UBXN2A: variants seen among roughly 807,000 people sequenced by gnomAD.
The protein encoded by UBXN2A is UBX domain-containing protein 2A.
In UBXN2A, 28 loss-of-function variants were observed where a neutral mutation model predicts 28.4. That is an observed-to-expected ratio of 0.99 (90% CI 0.73 to 1.35). The LOEUF (loss-of-function observed/expected upper bound fraction) is 1.35, where lower values mean the gene tolerates loss of function less well. Ranked by LOEUF, UBXN2A falls within the 40% of genes most tolerant of loss-of-function variation. The probability of loss-of-function intolerance (pLI) is 0.00; values close to 1 mark genes in which losing one functional copy is unlikely to be tolerated. For synonymous variants in UBXN2A, 97 were observed against 103.6 expected, an observed-to-expected ratio of 0.94 and a Z score of 0.39; for missense variants, 253 against 297.9, an observed-to-expected ratio of 0.85 and a Z score of 1.11.
intron 1 of UBXN2A, chr2:23,943,807 A>T: frequency 3.5e-6 from 1 of 288,736 alleles, no homozygotes; most frequent in Non-Finnish European, 6.9e-6. Context: ...GATTATATTT[A>T]AAATGAGCTT....
At chr2:23,999,567 T>C in intron 6 of UBXN2A, 105 bp from the exon 7 acceptor site, 1 of 1,253,106 alleles carries the variant, frequency 8.0e-7, no homozygotes, top group Non-Finnish European at 1.1e-6. Flanking sequence ...CAAGACGCTA[T>C]CTCTAATAAT....
chr2:23,999,776 C>T lies in UBXN2A; in HGVS notation c.689C>T (p.Thr230Ile), dbSNP rs1421626867. 1 of 1,614,156 alleles carries T rather than the reference C, an allele frequency of 6.2e-7. No homozygotes were observed. The highest frequency in any genetic ancestry group is 8.5e-7 in the Non-Finnish European group (1 of 1,180,030). ...CCTGTCCTCAGGTTGCTAGATGAGA[C>T]ACTCACACTGGAAGAAGCAGATTTA... ...ALPVLRLLDE[T>I]LTLEEADLQN... The change falls in exon 7 of 7, where the codon ACA (threonine) becomes ATA (isoleucine). Residue 230 changes from threonine to isoleucine, a missense_variant. Transcript: ENST00000309033.
chr2:23,950,028 A>G (rs904655978), intron 1 of UBXN2A, among the ~76,000 whole-genome samples: 1 of 5,640 alleles, frequency 1.8e-4, no homozygotes, highest in Non-Finnish European at 3.5e-4. Context: ...CCCCCACCCC[A>G]AGGATCGCTA....
rs1425661483 is a variant in UBXN2A, at chr2:23,984,766, T to A, written c.519T>A (p.Ile173=). The A allele has an allele frequency of 1.9e-6, 3 of 1,570,778 alleles. No individual in the cohort carries two copies. The highest frequency in any genetic ancestry group is 2.6e-6 in the Non-Finnish European group (3 of 1,167,284). ...TTCCACTGAACAACTTGGAACCCAT[T>A]ACTAATATACAGATCTGGTTGGCCA... is the stretch of plus-strand genomic sequence containing the variant. ...SAVPLNNLEP[I]TNIQIWLANG... Residue 173 remains isoleucine (I), a synonymous_variant, in exon 6 of 7, where the codon ATT becomes ATA. Coordinates refer to ENST00000309033, the MANE Select transcript of UBXN2A (RefSeq NM_181713.4).
chr2:23,983,873 G>T (rs1267168122), intron 5 of UBXN2A, among the ~76,000 whole-genome samples: 1 of 151,920 alleles, frequency 6.6e-6, no homozygotes, highest in Non-Finnish European at 1.5e-5. Flanking sequence ...ACAGGGTTTC[G>T]CCATGTTGGC....
chr2:23,984,101 C>T (rs1443237273), intron 5 of UBXN2A, among the ~76,000 whole-genome samples: 1 of 152,194 alleles, frequency 6.6e-6, no homozygotes, highest in African/African-American at 2.4e-5. Context: ...TCAAGTTTTA[C>T]AGTTTCCATC....
chr2:23,968,282 G>A (rs548230726), intron 2 of UBXN2A, among the ~76,000 whole-genome samples: 1 of 152,254 alleles, frequency 6.6e-6, no homozygotes, highest in East Asian at 1.9e-4. Flanking sequence ...GTGAGGATTT[G>A]AATGAGTTGG....
chr2:23,942,368 G>A (rs562032226), intron 1 of UBXN2A, among the ~76,000 whole-genome samples: 2 of 148,316 alleles, frequency 1.3e-5, no homozygotes, highest in Admixed American at 1.4e-4. Flanking sequence ...TGTGTGGAAA[G>A]CAAAAGGGTG....
chr2:23,942,373 A>C (rs1705806057), intron 1 of UBXN2A, among the ~76,000 whole-genome samples: 1 of 147,746 alleles, frequency 6.8e-6, no homozygotes, highest in South Asian at 2.2e-4. Context: ...GGAAAGCAAA[A>C]GGGTGCTGTG....
chr2:23,971,466 G>T, intron 3 of UBXN2A, 52 bp downstream of exon 3: 1 of 1,458,092 alleles, frequency 6.9e-7, no homozygotes, highest in Non-Finnish European at 9.2e-7. Context: ...CTCAATATAT[G>T]GACCTGTTAG....
At chr2:23,984,109 A>G (rs1466813035) in intron 5 of UBXN2A, among the ~76,000 whole-genome samples, 3 of 152,212 alleles carry the variant, frequency 2.0e-5, no homozygotes, top group Admixed American at 2.0e-4. Flanking sequence ...TACAGTTTCC[A>G]TCCTATCTAA....
At chr2:23,964,230 G>A (rs1188681933) in intron 2 of UBXN2A, among the ~76,000 whole-genome samples, 1 of 148,302 alleles carries the variant, frequency 6.7e-6, no homozygotes, top group Non-Finnish European at 1.5e-5. Context: ...TTTTTTTTGA[G>A]ACAGAGTTTC....
intron 1 of UBXN2A, among the ~76,000 whole-genome samples, chr2:23,955,900 T>C (rs775973063): frequency 1.7e-4 from 26 of 152,248 alleles, no homozygotes; most frequent in Non-Finnish European, 3.4e-4. Flanking sequence ...TATTAAAGGG[T>C]TCATCTCAGG....
chr2:23,930,162 A>G (rs1005377637), intron 1 of UBXN2A, among the ~76,000 whole-genome samples: 4 of 152,192 alleles, frequency 2.6e-5, no homozygotes, highest in Non-Finnish European at 5.9e-5. Context: ...TGCTGGGATT[A>G]CAGGTGTGAG....
chr2:23,960,118 T>C (rs564898234), intron 2 of UBXN2A, among the ~76,000 whole-genome samples: 2 of 151,796 alleles, frequency 1.3e-5, no homozygotes, highest in East Asian at 3.9e-4. Context: ...TAACTGGGCA[T>C]GGTGGCGGGT....
intron 1 of UBXN2A, among the ~76,000 whole-genome samples, chr2:23,956,834 T>C (rs1381886733): frequency 6.6e-6 from 1 of 152,204 alleles, no homozygotes; most frequent in African/African-American, 2.4e-5. Context: ...GCTTCTGGTA[T>C]GTCATTGCTT....
intron 2 of UBXN2A, chr2:23,969,094 T>A (rs1050614582): frequency 4.6e-5 from 7 of 151,964 alleles, no homozygotes; most frequent in African/African-American, 1.7e-4. Context: ...GGTTTCATCA[T>A]GTTGTCCAGA....
chr2:23,976,994 A>G lies in UBXN2A; in HGVS notation c.206A>G (p.Lys69Arg), dbSNP rs1243646083. The change falls in exon 4 of 7, where the codon AAA becomes AGA. Residue 69 changes from lysine (K) to arginine (R), a missense_variant. Physicochemically the swap from Lys to Arg is conservative, Grantham distance 26. Coordinates refer to ENST00000309033, the MANE Select transcript of UBXN2A (RefSeq NM_181713.4). ...GTAGATGTAAATATAAAATTATGGA[A>G]AAACGGATTCACCGTCAACGACGAT... ...KQVDVNIKLW[K>R]NGFTVNDDFR... 6.2e-7 allele frequency: 1 copy of G among 1,612,018 alleles called. No individual in the cohort carries two copies. Among genetic ancestry groups the G allele is most frequent in the Non-Finnish European group, 8.5e-7 (1 of 1,178,242 alleles).
upstream of UBXN2A, among the ~76,000 whole-genome samples, chr2:23,936,856 GCC>G (rs1234298463): frequency 1.5e-4 from 23 of 151,986 alleles, no homozygotes; most frequent in African/African-American, 5.3e-4. Flanking sequence ...GATTACAGGT[GCC>G]TGCCACCACG....
Sources: gnomAD v4.1 joint callset for allele counts (sites outside exome capture counted in the v4.1 genomes callset) on GRCh38, gnomAD v4.1.1 for gene constraint, MANE v1.5 for transcripts, NCBI Gene and HGNC (gene_info 2026-07-23, HGNC 2026-07-21) for gene names.